TNS4: variants seen among roughly 807,000 people sequenced by gnomAD.
TNS4 encodes the protein tensin-4.
TNS4 carries 46 observed loss-of-function variants against 70.4 expected under a neutral mutation model. That is an observed-to-expected ratio of 0.65 (90% CI 0.52 to 0.84). The LOEUF (loss-of-function observed/expected upper bound fraction) is 0.84. Ranked by LOEUF, TNS4 falls within the 40% of genes least tolerant of loss-of-function variation. The probability of loss-of-function intolerance (pLI) is 0.00; values close to 1 mark genes in which losing one functional copy is unlikely to be tolerated. For missense variants in TNS4, 863 were observed against 907.0 expected (o/e 0.95, Z 0.62); for synonymous variants, 390 against 366.6 (o/e 1.06, Z -0.73).
At chr17:40,478,214 C>T in intron 12 of TNS4, 93 bp downstream of exon 12, 2 of 1,540,102 alleles carry the variant, frequency 1.3e-6, no homozygotes, top group South Asian at 1.1e-5. Flanking sequence ...CCCTCATCAA[C>T]ACTTTGGACT....
intron 8 of TNS4, 96 bp from the exon 9 acceptor site, chr17:40,480,864 T>C (rs2035913398): frequency 7.4e-7 from 1 of 1,346,902 alleles, no homozygotes. Context: ...CCTTTGAAGA[T>C]CTCCCACCTC....
chr17:40,493,192 G>A (rs1034378687), intron 2 of TNS4, among the ~76,000 whole-genome samples: 1 of 152,056 alleles, frequency 6.6e-6, no homozygotes, highest in African/African-American at 2.4e-5. Context: ...ATATATTTAG[G>A]GGAAATGTCA....
intron 6 of TNS4, 109 bp downstream of exon 6, chr17:40,484,375 A>G (rs2035963922): frequency 1.2e-5 from 18 of 1,503,302 alleles, no homozygotes; most frequent in Non-Finnish European, 1.6e-5. Context: ...GAGCTGTTAT[A>G]AGACTGGCGC....
chr17:40,484,067 C>T (rs1465338421), intron 6 of TNS4, among the ~76,000 whole-genome samples: 1 of 152,216 alleles, frequency 6.6e-6, no homozygotes, highest in Non-Finnish European at 1.5e-5. Context: ...TAAGCTATCA[C>T]ACACATGTGC....
At chr17:40,485,136 C>A in intron 4 of TNS4, 129 bp from the exon 5 acceptor site, 1 of 717,436 alleles carries the variant, frequency 1.4e-6, no homozygotes, top group Non-Finnish European at 2.3e-6. Flanking sequence ...CCATCCCAGA[C>A]CCTAACCCCA....
At chr17:40,487,694 T>C (rs1452902724) in intron 3 of TNS4, among the ~76,000 whole-genome samples, 1 of 152,190 alleles carries the variant, frequency 6.6e-6, no homozygotes, top group African/African-American at 2.4e-5. Context: ...AAGTAGCCAA[T>C]GAGCTGACCC....
In TNS4 at chr17:40,477,603, G is replaced by A. The variant is rs754436453; in HGVS notation, c.2133C>T (p.Asp711=). 1.7e-5 allele frequency: 27 copies of A among 1,613,944 alleles called. No individual in the cohort carries two copies. Among genetic ancestry groups the A allele is most frequent in the South Asian group, 3.3e-5 (3 of 91,088 alleles). Residue 711 remains aspartate, a synonymous_variant, in exon 13 of 13, where the codon GAC becomes GAT. Coordinates refer to ENST00000254051, the MANE Select transcript of TNS4 (RefSeq NM_032865.6). ...VIGLVTALLQ[D]AERM Reference sequence around the variant, plus strand: ...AGTCTCTCCCCTACATCCTTTCTGCGTCCTGCAGCAGAGCAGTCACCAGGC... The same window carrying A: ...AGTCTCTCCCCTACATCCTTTCTGCATCCTGCAGCAGAGCAGTCACCAGGC...
intron 2 of TNS4, 33 bp downstream of exon 2, chr17:40,495,953 GC>G (rs1243611279): frequency 1.8e-5 from 28 of 1,567,908 alleles, no homozygotes; most frequent in Non-Finnish European, 2.4e-5. Flanking sequence ...CTGGCACCAA[GC>G]CCCCCTCCTG....
intron 2 of TNS4, among the ~76,000 whole-genome samples, chr17:40,491,971 G>A (rs1039459362): frequency 3.3e-5 from 5 of 152,196 alleles, no homozygotes; most frequent in African/African-American, 9.7e-5. Flanking sequence ...GCGGGGTGTT[G>A]GAGAGGATAA....
intron 3 of TNS4, among the ~76,000 whole-genome samples, chr17:40,487,850 C>T (rs975530275): frequency 3.9e-5 from 6 of 152,214 alleles, no homozygotes; most frequent in African/African-American, 1.4e-4. Context: ...TGGACCACAC[C>T]GTGGCTGATG....
Position 40,482,331 on chromosome 17 carries a change from G to C in TNS4, c.1587C>G (p.Pro529=). The change falls in exon 7 of 13, where the codon CCC becomes CCG. Residue 529 remains proline, a synonymous_variant. Coordinates refer to ENST00000254051, the MANE Select transcript of TNS4 (RefSeq NM_032865.6). ...GVHLKGADEE[P]YFGSLSAFVC... ...GAGGCTGGGGAGTCTCACCAAAGTAGGGCTCCTCATCTGCTCCTTTGAGAT... is the reference window on the plus strand; with the variant it reads ...GAGGCTGGGGAGTCTCACCAAAGTACGGCTCCTCATCTGCTCCTTTGAGAT... 3.1e-6 allele frequency: 5 copies of C among 1,614,170 alleles called. No individual in the cohort carries two copies. The highest frequency in any genetic ancestry group is 4.2e-6 in the Non-Finnish European group (5 of 1,180,038).
chr17:40,483,876 A>T (rs953362393), intron 6 of TNS4, among the ~76,000 whole-genome samples: 1 of 152,122 alleles, frequency 6.6e-6, no homozygotes, highest in Non-Finnish European at 1.5e-5. Context: ...CTGGGGTTTG[A>T]GTGAGGCCTA....
At chr17:40,482,476 G>T in intron 6 of TNS4, 60 bp from the exon 7 acceptor site, 1 of 1,541,688 alleles carries the variant, frequency 6.5e-7, no homozygotes, top group South Asian at 1.1e-5. Flanking sequence ...GGGCGCGGTG[G>T]CTCACGCCTG....
Position 40,477,117 on chromosome 17 carries a change from T to A in TNS4, c.*471A>T, listed in dbSNP as rs763500725. 2 of 156,212 alleles carry A rather than the reference T, an allele frequency of 1.3e-5. No homozygotes were observed. Among genetic ancestry groups the A allele is most frequent in the Non-Finnish European group, 2.8e-5 (2 of 70,650 alleles). 9.7% of individuals were successfully genotyped at this position (156,212 alleles called of 1,614,324 possible). Reference sequence around the variant, plus strand: ...CTATCCATTCCTGTTTTGTAGTCAGTTCTTGACCATCACCAGCTGCAAGCC... The same window carrying A: ...CTATCCATTCCTGTTTTGTAGTCAGATCTTGACCATCACCAGCTGCAAGCC... On this transcript the variant is annotated 3_prime_UTR_variant, in exon 13 of 13. Transcript: ENST00000254051.
In TNS4 at chr17:40,496,384, A is replaced by G; in HGVS notation, c.42T>C (p.His14=). 6.2e-7 allele frequency: 1 copy of G among 1,613,146 alleles called. No homozygotes were observed. The highest frequency in any genetic ancestry group is 1.1e-5 in the South Asian group (1 of 91,042). ...CATCACAAGGCGCCAAGCTGACAGC[A>G]TGGCCTCCTGCCAGCAGTGGGCTGG... is the stretch of plus-strand genomic sequence containing the variant. ...VMSSPLLAGG[H]AVSLAPCDEP... Residue 14 remains histidine (H), a synonymous_variant, in exon 2 of 13, where the codon CAT becomes CAC. Transcript: ENST00000254051.
intron 1 of TNS4, among the ~76,000 whole-genome samples, 172 bp downstream of exon 1, chr17:40,501,362 G>A (rs998151488): frequency 2.1e-5 from 3 of 143,114 alleles, no homozygotes; most frequent in African/African-American, 5.2e-5. Context: ...CAGGAGAATC[G>A]CTTGAACCCT....
chr17:40,478,312 G>A lies in TNS4; in HGVS notation c.2001C>T (p.Pro667=). ...EQRKWQKYCK[P]SWIFGFVAKS... is the part of the protein sequence containing the mutation. ...CTGAGACAGGAAGGCCTTACCAGGA[G>A]GGTTTGCAGTACTTCTGCCACCTGT... The change falls in exon 12 of 13, where the codon CCC becomes CCT. Residue 667 remains proline (P), a synonymous_variant. Transcript: ENST00000254051. 6.2e-7 allele frequency: 1 copy of A among 1,611,074 alleles called. No individual in the cohort carries two copies. Among genetic ancestry groups the A allele is most frequent in the Non-Finnish European group, 8.5e-7 (1 of 1,179,168 alleles).
At chr17:40,500,042 CA>C (rs1242921859) in intron 1 of TNS4, among the ~76,000 whole-genome samples, 2 of 152,198 alleles carry the variant, frequency 1.3e-5, no homozygotes, top group Non-Finnish European at 2.9e-5. Context: ...TGCATTTTCT[CA>C]ACAGCTCTCT....
At position 40,496,284 on chromosome 17, in the gene TNS4, A is replaced by G. The variant is rs1431292130; in HGVS notation, c.142T>C (p.Trp48Arg). ...GGGGCCATCAGGGCCTGGGCTCCCC[A>G]GCCTTCCGTGGTGTAGTAAGAACAC... ...PQCSYYTTEG[W>R]GAQALMAPVP... The change falls in exon 2 of 13, where the codon TGG (tryptophan) becomes CGG (arginine). Residue 48 changes from tryptophan to arginine, a missense_variant. Coordinates refer to ENST00000254051, the MANE Select transcript of TNS4 (RefSeq NM_032865.6). 4 of 1,610,044 alleles carry G rather than the reference A, an allele frequency of 2.5e-6. No homozygotes were observed. The highest frequency in any genetic ancestry group is 2.7e-5 in the African/African-American group (2 of 74,862).
Sources: allele counts gnomAD v4.1 joint callset (sites outside exome capture counted in the v4.1 genomes callset), GRCh38; gene constraint gnomAD v4.1.1; transcripts MANE v1.5; gene names NCBI Gene and HGNC (gene_info 2026-07-23, HGNC 2026-07-21).